GRAMD2B: variants seen among roughly 807,000 people sequenced by gnomAD.
The protein encoded by GRAMD2B is GRAM domain-containing protein 2B.
Under a neutral mutation model 59.2 loss-of-function variants are expected in GRAMD2B, and 41 were observed. The ratio of observed to expected loss-of-function variants is 0.69; its 90% CI spans 0.54 to 0.90. The LOEUF is 0.90. Ranked by LOEUF, GRAMD2B falls within the 40% of genes least tolerant of loss-of-function variation. The pLI is 0.00. For missense variants in GRAMD2B, 424 were observed against 500.5 expected (o/e 0.85, Z 1.46); for synonymous variants, 161 against 182.7 (o/e 0.88, Z 0.96).
chr5:126,442,294 T>C (rs1230141538), intron 1 of GRAMD2B, among the ~76,000 whole-genome samples: 1 of 100,404 alleles, frequency 1.0e-5, no homozygotes, highest in Non-Finnish European at 1.8e-5. Flanking sequence ...CTTTTTTTTC[T>C]TTTTTTTTTT....
At chr5:126,476,063 G>A (rs898329899) in intron 5 of GRAMD2B, among the ~76,000 whole-genome samples, 2 of 152,206 alleles carry the variant, frequency 1.3e-5, no homozygotes, top group South Asian at 2.1e-4. Context: ...AGCCGAGATC[G>A]TGCCACTGCA....
intron 1 of GRAMD2B, among the ~76,000 whole-genome samples, chr5:126,413,768 T>C (rs899567104): frequency 6.6e-6 from 1 of 152,142 alleles, no homozygotes; most frequent in Non-Finnish European, 1.5e-5. Flanking sequence ...GTTTTATGAA[T>C]CTGGGTGCTC....
chr5:126,465,336 AT>A, intron 1 of GRAMD2B, 89 bp from the exon 2 acceptor site: 2 of 1,588,550 alleles, frequency 1.3e-6, no homozygotes, highest in Non-Finnish European at 1.7e-6. Flanking sequence ...AAATCATTCC[AT>A]TCTCTAGAAA....
intron 1 of GRAMD2B, among the ~76,000 whole-genome samples, chr5:126,428,626 G>A (rs895013634): frequency 3.3e-5 from 5 of 152,180 alleles, no homozygotes; most frequent in Admixed American, 2.6e-4. Flanking sequence ...GTGTGACCTG[G>A]CAAGTTACTC....
upstream of GRAMD2B, among the ~76,000 whole-genome samples, chr5:126,371,137 C>T (rs534520838): frequency 1.3e-5 from 2 of 152,314 alleles, no homozygotes; most frequent in Non-Finnish European, 2.9e-5. Flanking sequence ...CTTTTCCATG[C>T]TTTTCTGACT....
chr5:126,372,917 G>A (rs552590891), intron 1 of GRAMD2B, among the ~76,000 whole-genome samples: 2 of 151,754 alleles, frequency 1.3e-5, no homozygotes, highest in African/African-American at 4.8e-5. Context: ...AAATCAAAAT[G>A]TATCAACAAA....
chr5:126,372,890 A>T (rs1250755653), intron 1 of GRAMD2B, among the ~76,000 whole-genome samples: 2 of 152,192 alleles, frequency 1.3e-5, no homozygotes, highest in Non-Finnish European at 2.9e-5. Context: ...AGCTCTAACC[A>T]GGAAAAAAAT....
chr5:126,440,799 G>T, intron 1 of GRAMD2B, among the ~76,000 whole-genome samples: 1 of 152,140 alleles, frequency 6.6e-6, no homozygotes, highest in Admixed American at 6.5e-5. Context: ...CCATCGTTCT[G>T]TATTAGATTA....
chr5:126,484,567 G>A (rs1300076885), intron 10 of GRAMD2B, 43 bp downstream of exon 10: 1 of 1,557,088 alleles, frequency 6.4e-7, no homozygotes, highest in South Asian at 1.2e-5. Context: ...AGAAGGATTG[G>A]AGATGTCTGT....
intron 2 of GRAMD2B, among the ~76,000 whole-genome samples, chr5:126,466,613 A>G (rs1768472257): frequency 6.6e-6 from 1 of 152,118 alleles, no homozygotes; most frequent in Non-Finnish European, 1.5e-5. Flanking sequence ...TTTAGCAGAG[A>G]CAGGGTTTCA....
intron 1 of GRAMD2B, among the ~76,000 whole-genome samples, chr5:126,383,636 G>A (rs1755848203): frequency 6.6e-6 from 1 of 152,152 alleles, no homozygotes; most frequent in Non-Finnish European, 1.5e-5. Context: ...TGTTGTTGCT[G>A]TATGGCAAAA....
At chr5:126,438,540 C>T (rs185027566) in intron 1 of GRAMD2B, among the ~76,000 whole-genome samples, 31 of 152,162 alleles carry the variant, frequency 2.0e-4, no homozygotes, top group African/African-American at 7.0e-4. Flanking sequence ...TGACAAGGCC[C>T]CTTTCACCAA....
chr5:126,372,296 T>TTTCATGTAAACTTTAACGTAGCA (rs1378485182), intron 1 of GRAMD2B, among the ~76,000 whole-genome samples: 1 of 152,192 alleles, frequency 6.6e-6, no homozygotes, highest in Admixed American at 6.5e-5. Context: ...TTCATCCAAC[T>TTTCATGTAAACTTTAACGTAGCA]TTCATGTAAA....
rs112533548 is a variant in GRAMD2B at position 126,391,217 on chromosome 5, T to C, written c.125+19650T>C. Among the ~76,000 whole-genome samples the C allele has an allele frequency of 5.6e-3, 841 of 150,568 alleles. 5 individuals are homozygous for C. Among genetic ancestry groups the C allele is most frequent in the African/African-American group, 0.019 (767 of 41,030 alleles). On this transcript the variant is annotated intron_variant, in intron 1 of 8. Coordinates refer to the GRAMD2B transcript ENST00000506445. ...TGAGCCAGGCGTAATGGCACACACC[T>C]GTAGTCCCAGCTACTCGGGAGGCTG...
At chr5:126,410,942 T>C (rs1019149237) in intron 1 of GRAMD2B, among the ~76,000 whole-genome samples, 3 of 152,000 alleles carry the variant, frequency 2.0e-5, no homozygotes, top group Non-Finnish European at 4.4e-5. Context: ...CTTTTGCTCA[T>C]TTTTAAATAG....
intron 1 of GRAMD2B, among the ~76,000 whole-genome samples, chr5:126,442,039 A>G (rs1409262827): frequency 6.6e-6 from 1 of 151,918 alleles, no homozygotes; most frequent in African/African-American, 2.4e-5. Context: ...AATGTTACTA[A>G]AGTCTCACAA....
intron 1 of GRAMD2B, among the ~76,000 whole-genome samples, chr5:126,402,450 G>A (rs1441630301): frequency 6.6e-6 from 1 of 151,992 alleles, no homozygotes; most frequent in Non-Finnish European, 1.5e-5. Context: ...TTCATTCCAG[G>A]ACAACACCAA....
rs79988174 is a variant in GRAMD2B at position 126,360,426 on chromosome 5, G to C, written c.95G>C (p.Arg32Thr). 1.8e-3 allele frequency: 2,746 copies of C among 1,551,310 alleles called. 81 individuals are homozygous for C. The East Asian group carries it at 0.06, about 34-fold the overall frequency. Residue 32 changes from arginine (R) to threonine (T), a missense_variant, in exon 1 of 14, where the codon AGA becomes ACA. Coordinates refer to the GRAMD2B transcript ENST00000513040. ...CCCTGGAAGAGTATGTTCCACGGGA[G>C]AGAAGTGAAGCCAGTGGGTCCGGAC...
intron 1 of GRAMD2B, among the ~76,000 whole-genome samples, chr5:126,451,346 T>G (rs1448390934): frequency 1.3e-5 from 2 of 152,236 alleles, no homozygotes; most frequent in Admixed American, 1.3e-4. Context: ...GGTTCACAGT[T>G]CTGCAGGCTA....
Sources: allele counts gnomAD v4.1 joint callset (sites outside exome capture counted in the v4.1 genomes callset), GRCh38; gene constraint gnomAD v4.1.1; transcripts MANE v1.5; gene names NCBI Gene and HGNC (gene_info 2026-07-23, HGNC 2026-07-21).